RNF141: variants seen among roughly 807,000 people sequenced by gnomAD.
The protein encoded by RNF141 is C3HC4-like zinc finger protein.
Under a neutral mutation model 27.4 loss-of-function variants are expected in RNF141, and 18 were observed. The ratio of observed to expected loss-of-function variants is 0.66; its 90% CI spans 0.45 to 0.97. The LOEUF (loss-of-function observed/expected upper bound fraction) is 0.97, where lower values mean the gene tolerates loss of function less well. Among genes scored for constraint, RNF141 ranks in the 50% least tolerant of loss-of-function variants. The pLI is 0.00. For synonymous variants in RNF141, 97 were observed against 96.6 expected, an observed-to-expected ratio of 1.00 and a Z score of -0.02; for missense variants, 230 against 279.4, an observed-to-expected ratio of 0.82 and a Z score of 1.26.
At chr11:10,517,342 C>CA (rs1394413468) in intron 5 of RNF141, 1 of 151,064 alleles carries the variant, frequency 6.6e-6, no homozygotes, top group Admixed American at 6.6e-5. Flanking sequence ...GAGAAAGACT[C>CA]AAAAAAGAAA....
At chr11:10,534,608 GTATAT>G (rs1850017943) in intron 1 of RNF141, among the ~76,000 whole-genome samples, 1 of 152,024 alleles carries the variant, frequency 6.6e-6, no homozygotes, top group Non-Finnish European at 1.5e-5. Flanking sequence ...ACTGTTTTCC[GTATAT>G]TATGTCAATT....
At chr11:10,522,555 T>G (rs530313388) in intron 4 of RNF141, among the ~76,000 whole-genome samples, 33 of 152,276 alleles carry the variant, frequency 2.2e-4, no homozygotes, top group African/African-American at 7.7e-4. Flanking sequence ...GCCTCCAGTA[T>G]GTAGACGAGA....
At chr11:10,519,226 A>G in intron 4 of RNF141, 85 bp from the exon 5 acceptor site, 1 of 1,135,580 alleles carries the variant, frequency 8.8e-7, no homozygotes, top group Non-Finnish European at 1.3e-6. Flanking sequence ...GCATTATTAA[A>G]CATCTATATG....
chr11:10,531,367 T>C (rs1849984790), intron 2 of RNF141, among the ~76,000 whole-genome samples: 1 of 74,496 alleles, frequency 1.3e-5, no homozygotes, highest in African/African-American at 5.5e-5. Context: ...AGAGTGAGAC[T>C]CAGTCTCAAA....
In RNF141 at chr11:10,519,122, C is replaced by T. The variant is rs1170174258; in HGVS notation, c.454G>A (p.Glu152Lys). 10 of 1,613,820 alleles carry T rather than the reference C, an allele frequency of 6.2e-6. No individual in the cohort carries two copies. Among genetic ancestry groups the T allele is most frequent in the Non-Finnish European group, 7.6e-6 (9 of 1,179,884 alleles). Residue 152 changes from glutamate to lysine, a missense_variant, in exon 5 of 6, where the codon GAG (glutamate) becomes AAG (lysine). By Grantham distance (56) the Glu-to-Lys change is moderately conservative. Coordinates refer to ENST00000265981, the MANE Select transcript of RNF141 (RefSeq NM_016422.4). Reference sequence around the variant, plus strand: ...TCCATACAGATACAACACTCCTCCTCATCGGTCAGCTGCTTCACCCTGCAA... The same window carrying T: ...TCCATACAGATACAACACTCCTCCTTATCGGTCAGCTGCTTCACCCTGCAA... ...WMGRVKQLTDEEECCICMDGR... is the reference protein window; with the variant it reads ...WMGRVKQLTDKEECCICMDGR...
rs770748407 is a variant in RNF141 at position 10,515,051 on chromosome 11, C to A, written c.558G>T (p.Arg186Ser). ...KCIDKWSDRH[R>S]NCPICRLQMT... Reference sequence around the variant, plus strand: ...TCTGTAGGCGACAAATAGGGCAATTCCTGTGTCGATCACTCCTATTAGAGA... The same window carrying A: ...TCTGTAGGCGACAAATAGGGCAATTACTGTGTCGATCACTCCTATTAGAGA... Residue 186 changes from arginine (R) to serine (S), a missense_variant, in exon 6 of 6, where the codon AGG becomes AGT. Transcript: ENST00000265981. 1 of 1,613,548 alleles carries A rather than the reference C, an allele frequency of 6.2e-7. No individual in the cohort carries two copies. Among genetic ancestry groups the A allele is most frequent in the Admixed American group, 1.7e-5 (1 of 59,874 alleles).
chr11:10,540,608 C>A (rs145882090), intron 1 of RNF141: 18 of 152,306 alleles, frequency 1.2e-4, no homozygotes, highest in African/African-American at 4.3e-4. Flanking sequence ...GTGGGGCTGG[C>A]TAAGTAGATC....
intron 2 of RNF141, chr11:10,532,010 C>A (rs1266053924): frequency 2.2e-6 from 1 of 453,224 alleles, no homozygotes; most frequent in Non-Finnish European, 4.4e-6. Context: ...TCAGAAATAT[C>A]CTGTGCTAAA....
chr11:10,522,565 AC>A (rs1472331106), intron 4 of RNF141, among the ~76,000 whole-genome samples: 3 of 152,184 alleles, frequency 2.0e-5, no homozygotes, highest in Non-Finnish European at 4.4e-5. Flanking sequence ...TGTAGACGAG[AC>A]CCACATAAAC....
chr11:10,524,939 A>G (rs1417068769), intron 4 of RNF141, among the ~76,000 whole-genome samples: 1 of 152,218 alleles, frequency 6.6e-6, no homozygotes, highest in African/African-American at 2.4e-5. Context: ...AAATGCATGC[A>G]TATAGAGCGG....
chr11:10,520,164 C>T (rs533431897), intron 4 of RNF141, among the ~76,000 whole-genome samples: 7 of 152,064 alleles, frequency 4.6e-5, no homozygotes, highest in South Asian at 2.1e-4. Context: ...TTAGGCTATA[C>T]GAAATTTATA....
intron 4 of RNF141, among the ~76,000 whole-genome samples, chr11:10,520,195 ATAAAT>A (rs1242926818): frequency 1.1e-4 from 17 of 152,202 alleles, no homozygotes; most frequent in African/African-American, 1.9e-4. Context: ...TTCTTCAATG[ATAAAT>A]TAATCTTTAC....
chr11:10,522,304 A>G (rs1448765934), intron 4 of RNF141, among the ~76,000 whole-genome samples: 2 of 152,234 alleles, frequency 1.3e-5, no homozygotes, highest in East Asian at 3.8e-4. Flanking sequence ...TGAGAAGCAG[A>G]GGACTACAAA....
chr11:10,539,444 G>A (rs1181674642), intron 1 of RNF141, among the ~76,000 whole-genome samples: 3 of 151,576 alleles, frequency 2.0e-5, no homozygotes, highest in Non-Finnish European at 4.4e-5. Context: ...AAACATCAAT[G>A]ATTTTCACTG....
At chr11:10,539,488 A>G (rs956940028) in intron 1 of RNF141, among the ~76,000 whole-genome samples, 2 of 151,458 alleles carry the variant, frequency 1.3e-5, no homozygotes, top group African/African-American at 2.4e-5. Flanking sequence ...ATAAATACCA[A>G]GTACTACTGA....
In RNF141 at chr11:10,519,236, G is replaced by GTATATATATA; in HGVS notation, c.435-96_435-95insTATATATATA. On this transcript the variant is annotated intron_variant, in intron 4 of 5. Coordinates refer to ENST00000265981, the MANE Select transcript of RNF141 (RefSeq NM_016422.4). ...AAAAAGCATTATTAAACATCTATAT[G>GTATATATATA]CCCACAGTATAAAGCACAATATGAC... 3.9e-6 allele frequency: 4 copies of GTATATATATA among 1,015,018 alleles called. No homozygotes were observed. The East Asian group carries it at 7.6e-5, about 19-fold the overall frequency. 62.9% of individuals were successfully genotyped at this position (1,015,018 alleles called of 1,614,324 possible). A position where few individuals can be genotyped will look rare whatever the true frequency, so the allele number is the denominator to read the frequency against.
chr11:10,527,490 A>T (rs913736983), intron 3 of RNF141, among the ~76,000 whole-genome samples: 3 of 148,770 alleles, frequency 2.0e-5, no homozygotes, highest in Non-Finnish European at 4.6e-5. Context: ...CAAGGAGCAC[A>T]GAGAGTCTCA....
At chr11:10,539,709 A>AG (rs1564870328) in intron 1 of RNF141, among the ~76,000 whole-genome samples, 7 of 4,194 alleles carry the variant, frequency 1.7e-3, no homozygotes, top group African/African-American at 4.9e-3. Flanking sequence ...TTAGAGAGAG[A>AG]AGGAGAGAGA....
chr11:10,536,715 C>T (rs937060011), intron 1 of RNF141, among the ~76,000 whole-genome samples: 2 of 152,070 alleles, frequency 1.3e-5, no homozygotes, highest in Non-Finnish European at 2.9e-5. Flanking sequence ...CCTCCCGCCT[C>T]GGCCTCCCAG....
Sources: allele counts gnomAD v4.1 joint callset (sites outside exome capture counted in the v4.1 genomes callset), GRCh38; gene constraint gnomAD v4.1.1; transcripts MANE v1.5; gene names NCBI Gene and HGNC (gene_info 2026-07-23, HGNC 2026-07-21).